Variants in PIEZO2 observed in about 807,000 individuals in gnomAD.
The protein encoded by PIEZO2 is piezo-type mechanosensitive ion channel component 2.
A neutral mutation model predicts 337.3 loss-of-function variants in PIEZO2; 172 were observed. That is an observed-to-expected ratio of 0.51 (90% CI 0.45 to 0.58). The LOEUF (loss-of-function observed/expected upper bound fraction) is 0.58, where lower values mean the gene tolerates loss of function less well. PIEZO2 is among the 20% of genes least tolerant of loss of function. The pLI is 0.00. For missense variants in PIEZO2, 3,028 were observed against 3,391.3 expected, an observed-to-expected ratio of 0.89 and a Z score of 2.66; for synonymous variants, 1,251 against 1,228.5, an observed-to-expected ratio of 1.02 and a Z score of -0.38.
Position 10,783,109 on chromosome 18 carries a change from T to C in PIEZO2, c.2492+1675A>G, listed in dbSNP as rs773511775. Among the ~76,000 whole-genome samples the C allele has an allele frequency of 2.6e-4, 40 of 151,924 alleles. 1 individual carries two copies. The highest frequency in any genetic ancestry group is 6.8e-3 in the Middle Eastern group (2 of 294). On this transcript the variant is annotated intron_variant, in intron 17 of 55. Coordinates refer to ENST00000674853, the MANE Select transcript of PIEZO2 (RefSeq NM_001378183.1). This position sits in a 1 kb window ranked among gnomAD's most constrained non-coding sequence, Gnocchi z 4.3. ...ACTTTTAGTGAGAAAAAAAAATGAA[T>C]ATGCAAGAGAAGAAATGGCATTTGG...
chr18:10,770,109 G>A, intron 21 of PIEZO2, 39 bp downstream of exon 21: 2 of 1,531,406 alleles, frequency 1.3e-6, no homozygotes, highest in Non-Finnish European at 1.7e-6. Flanking sequence ...ACCTACTGTG[G>A]TTCTGTTCAG....
At chr18:11,024,547 G>GAAAAAAAAAA (rs569472740) in intron 2 of PIEZO2, among the ~76,000 whole-genome samples, 2 of 104,054 alleles carry the variant, frequency 1.9e-5, no homozygotes, top group Non-Finnish European at 4.0e-5. Context: ...CTCTGTCTCA[G>GAAAAAAAAAA]AAAAAAAAAA....
intron 2 of PIEZO2, among the ~76,000 whole-genome samples, chr18:11,059,799 A>T (rs1210691583): frequency 6.6e-6 from 1 of 152,132 alleles, no homozygotes; most frequent in Non-Finnish European, 1.5e-5. Context: ...CTCCCACACA[A>T]TAATAATGGG....
At chr18:11,000,306 G>T (rs560165731) in intron 2 of PIEZO2, among the ~76,000 whole-genome samples, 1 of 152,142 alleles carries the variant, frequency 6.6e-6, no homozygotes, top group African/African-American at 2.4e-5. Context: ...TTCCAATTTT[G>T]TATTGGCATA....
chr18:11,030,175 A>G, intron 2 of PIEZO2, among the ~76,000 whole-genome samples: 1 of 152,220 alleles, frequency 6.6e-6, no homozygotes, highest in East Asian at 1.9e-4. Flanking sequence ...TAATGGTAAT[A>G]AACACAACTA....
At chr18:11,107,861 G>A (rs1330383937) in intron 1 of PIEZO2, among the ~76,000 whole-genome samples, 1 of 152,188 alleles carries the variant, frequency 6.6e-6, no homozygotes, top group African/African-American at 2.4e-5. Flanking sequence ...CAAAATGATG[G>A]AAATCCAGAG....
intron 43 of PIEZO2, among the ~76,000 whole-genome samples, chr18:10,699,594 T>C (rs1376165844): frequency 1.3e-5 from 2 of 152,144 alleles, no homozygotes; most frequent in African/African-American, 4.8e-5. Flanking sequence ...CTTTCGTAAA[T>C]TGCCCAGTCT....
At position 10,850,775 on chromosome 18, in the gene PIEZO2, A is replaced by C. The variant is rs150041038; in HGVS notation, c.917+4578T>G. Among the ~76,000 whole-genome samples, 65 of 152,356 alleles carry C rather than the reference A, an allele frequency of 4.3e-4. No homozygotes were observed. The highest frequency in any genetic ancestry group is 1.5e-3 in the African/African-American group (63 of 41,590). On this transcript the variant is annotated intron_variant, in intron 7 of 55. Coordinates refer to ENST00000674853, the MANE Select transcript of PIEZO2 (RefSeq NM_001378183.1). The surrounding 1 kb of genome is among the most constrained non-coding windows in gnomAD (Gnocchi z 4.5). The stretch of plus-strand genomic sequence containing the variant: ...TATAGACATAAGAAAGATTCTGAAA[A>C]AAATTTGGCTAAAAAGCAATAGTAT...
rs112472028 is a variant in PIEZO2, at chr18:11,002,976, AAGAGGCGCTCCTGCTACC to A, written c.161-23334_161-23317del. On this transcript the variant is annotated intron_variant, in intron 2 of 55. Transcript: ENST00000674853. This position sits in a 1 kb window ranked among gnomAD's most constrained non-coding sequence, Gnocchi z 4.3. ...GCCACTCAAACAGAGGAAGTGAGGC[AAGAGGCGCTCCTGCTACC>A]AGAGGCTTCCTCCTTGAATGACCAA... Among the ~76,000 whole-genome samples, 6,809 of 152,272 alleles carry A rather than the reference AAGAGGCGCTCCTGCTACC, an allele frequency of 0.045. 525 individuals are homozygous for A. The highest frequency in any genetic ancestry group is 0.15 in the African/African-American group (6,310 of 41,512).
chr18:10,715,766 A>G lies in PIEZO2; in HGVS notation c.5140T>C (p.Phe1714Leu). 2 of 1,534,896 alleles carry G rather than the reference A, an allele frequency of 1.3e-6. No homozygotes were observed. Among genetic ancestry groups the G allele is most frequent in the Non-Finnish European group, 8.7e-7 (1 of 1,145,038 alleles). ...FNILKFTWVLFLATVDSFTTW... is the reference protein window; with the variant it reads ...FNILKFTWVLLLATVDSFTTW... The stretch of plus-strand genomic sequence containing the variant: ...GTGAAACTGTCCACTGTTGCCAGAA[A>G]TAGGACCCAGGTAAATTTCAAAATA... Residue 1714 changes from phenylalanine to leucine, a missense_variant, in exon 38 of 56, where the codon TTT becomes CTT. By Grantham distance (22) the Phe-to-Leu change is conservative (BLOSUM62 0). Transcript: ENST00000674853.
intron 1 of PIEZO2, among the ~76,000 whole-genome samples, chr18:11,119,234 G>A (rs1448565169): frequency 1.4e-5 from 2 of 147,824 alleles, no homozygotes; most frequent in Admixed American, 6.9e-5. Flanking sequence ...TGCAACCTCC[G>A]CCTCCTGGGT....
chr18:10,685,951 G>T (rs915944336), intron 49 of PIEZO2, among the ~76,000 whole-genome samples: 1 of 138,030 alleles, frequency 7.2e-6, no homozygotes, highest in South Asian at 2.2e-4. Context: ...CAACTGACTC[G>T]CTCACTTGTG....
intron 31 of PIEZO2, 31 bp from the exon 32 acceptor site, chr18:10,742,646 A>G: frequency 6.5e-7 from 1 of 1,535,732 alleles, no homozygotes; most frequent in Non-Finnish European, 8.7e-7. Flanking sequence ...AGTAATGCCA[A>G]GAACATATTC....
At chr18:10,928,340 G>A (rs148739596) in intron 3 of PIEZO2, among the ~76,000 whole-genome samples, 8 of 152,208 alleles carry the variant, frequency 5.3e-5, no homozygotes, top group Non-Finnish European at 7.4e-5. Flanking sequence ...AGGCATGGCC[G>A]CTCCAAGCAA....
At chr18:11,071,035 G>T (rs1195316135) in intron 1 of PIEZO2, among the ~76,000 whole-genome samples, 2 of 152,134 alleles carry the variant, frequency 1.3e-5, no homozygotes, top group Admixed American at 1.3e-4. Flanking sequence ...AGCGAGGAAA[G>T]AAGCAAAATG....
In PIEZO2 at chr18:10,697,970, G is replaced by A. The variant is rs548913834; in HGVS notation, c.6695-90C>T. On this transcript the variant is annotated intron_variant, in intron 44 of 55. Coordinates refer to ENST00000674853, the MANE Select transcript of PIEZO2 (RefSeq NM_001378183.1). ...AGAAGCAGAACCCAGAGCCCACATG[G>A]TGGAGGGATAGCTCAGGACTGTTTG... 97 of 1,477,720 alleles carry A rather than the reference G, an allele frequency of 6.6e-5. No homozygotes were observed. In the South Asian group the frequency reaches 1.2e-3, roughly 18 times the overall value. 91.5% of individuals were successfully genotyped at this position (1,477,720 alleles called of 1,614,324 possible). A position where few individuals can be genotyped will look rare whatever the true frequency, so the allele number is the denominator to read the frequency against.
rs1043900797 is a variant in PIEZO2, at chr18:10,888,479, G to A, written c.330-17064C>T. Among the ~76,000 whole-genome samples, 1 of 152,094 alleles carries A rather than the reference G, an allele frequency of 6.6e-6. No individual in the cohort carries two copies. The highest frequency in any genetic ancestry group is 1.5e-5 in the Non-Finnish European group (1 of 68,012). ...TTCTTTTTGTGCACCCTGGTATTCA[G>A]AGCTGGGCACTTGGAGTAGCATTGT... On this transcript the variant is annotated intron_variant, in intron 4 of 55. Coordinates refer to ENST00000674853, the MANE Select transcript of PIEZO2 (RefSeq NM_001378183.1). The surrounding 1 kb of genome is among the most constrained non-coding windows in gnomAD (Gnocchi z 4.1).
rs997158760 is a variant in PIEZO2 at position 10,943,289 on chromosome 18, C to T, written c.287-32061G>A. On this transcript the variant is annotated intron_variant, in intron 3 of 55. Coordinates refer to ENST00000674853, the MANE Select transcript of PIEZO2 (RefSeq NM_001378183.1). The surrounding 1 kb of genome is among the most constrained non-coding windows in gnomAD (Gnocchi z 4.5). ...GCTTGCACCATGTGCCTGGAAAAGC[C>T]GCAGACACTCAACTCCAACCAGTGA... Among the ~76,000 whole-genome samples the T allele has an allele frequency of 2.6e-5, 4 of 152,138 alleles. No individual in the cohort carries two copies. The highest frequency in any genetic ancestry group is 2.1e-4 in the South Asian group (1 of 4,824).
intron 17 of PIEZO2, among the ~76,000 whole-genome samples, chr18:10,782,332 TATAA>T (rs1412039557): frequency 4.4e-4 from 39 of 88,786 alleles, no homozygotes; most frequent in African/African-American, 1.8e-3. Flanking sequence ...TATAATTATA[TATAA>T]ATAATTATAA....
Sources: gnomAD v4.1 joint callset for allele counts (sites outside exome capture counted in the v4.1 genomes callset) on GRCh38, gnomAD v4.1.1 for gene constraint, Gnocchi (gnomAD v3.1) non-coding constraint, MANE v1.5 for transcripts, NCBI Gene and HGNC (gene_info 2026-07-23, HGNC 2026-07-21) for gene names.